The following SMARCC1 variants were observed in gnomAD, a reference collection of about 807,000 sequenced individuals.
The protein encoded by SMARCC1 is SWI/SNF complex subunit SMARCC1.
In SMARCC1, 43 loss-of-function variants were observed where a neutral mutation model predicts 147.4. The observed-to-expected ratio is 0.29, with a 90% confidence interval of 0.23 to 0.38. The LOEUF (loss-of-function observed/expected upper bound fraction) is 0.38. SMARCC1 is among the 10% of genes least tolerant of loss of function. The probability of loss-of-function intolerance (pLI) is 1.00; values close to 1 mark genes in which losing one functional copy is unlikely to be tolerated. For missense variants in SMARCC1, 1,119 were observed against 1,381.1 expected (o/e 0.81, Z 3.01); for synonymous variants, 495 against 484.4 (o/e 1.02, Z -0.29).
intron 27 of SMARCC1, 73 bp downstream of exon 27, chr3:47,590,588 A>G: frequency 7.6e-7 from 1 of 1,322,494 alleles, no homozygotes; most frequent in South Asian, 1.8e-5. Flanking sequence ...GGAGAGAACA[A>G]AGCCTCCTTC....
chr3:47,680,102 T>C (rs1359132041), intron 15 of SMARCC1: 1 of 224,906 alleles, frequency 4.4e-6, no homozygotes, highest in Non-Finnish European at 8.6e-6. Context: ...GTGCCTGTAG[T>C]CCCAGCTACT....
At chr3:47,719,852 C>CA (rs1559653857) in intron 7 of SMARCC1, among the ~76,000 whole-genome samples, 1 of 152,012 alleles carries the variant, frequency 6.6e-6, no homozygotes, top group Non-Finnish European at 1.5e-5. Flanking sequence ...TCTCATGCCT[C>CA]AGACACCTGA....
intron 21 of SMARCC1, among the ~76,000 whole-genome samples, chr3:47,645,173 A>G (rs1275300173): frequency 2.6e-5 from 4 of 151,986 alleles, no homozygotes; most frequent in Non-Finnish European, 4.4e-5. Context: ...GCTACAAAGG[A>G]GGCTGTGAAA....
chr3:47,703,212 G>C (rs2033948364), intron 10 of SMARCC1, among the ~76,000 whole-genome samples: 1 of 152,146 alleles, frequency 6.6e-6, no homozygotes, highest in African/African-American at 2.4e-5. Flanking sequence ...AGGATTACAG[G>C]CATGGGCCAT....
intron 19 of SMARCC1, among the ~76,000 whole-genome samples, chr3:47,665,467 A>T (rs2033409001): frequency 6.6e-6 from 1 of 152,162 alleles, no homozygotes; most frequent in African/African-American, 2.4e-5. Context: ...TTCCAATGAA[A>T]TTTTTAATTA....
chr3:47,691,890 C>G (rs1295703618), intron 12 of SMARCC1, among the ~76,000 whole-genome samples: 2 of 152,106 alleles, frequency 1.3e-5, no homozygotes, highest in African/African-American at 2.4e-5. Flanking sequence ...GTCCCAGCTA[C>G]TCAGGGGGCT....
intron 1 of SMARCC1, among the ~76,000 whole-genome samples, chr3:47,780,168 GT>G (rs10662354): frequency 4.2e-3 from 262 of 61,908 alleles, no homozygotes; most frequent in African/African-American, 0.014. Flanking sequence ...GTTTTTTTTT[GT>G]TTTTTTTTTT....
chr3:47,777,822 C>G (rs2034993760), intron 1 of SMARCC1, among the ~76,000 whole-genome samples: 1 of 152,058 alleles, frequency 6.6e-6, no homozygotes, highest in South Asian at 2.1e-4. Flanking sequence ...GCCACAGCCC[C>G]CAGTCTCAGT....
intron 19 of SMARCC1, among the ~76,000 whole-genome samples, chr3:47,665,832 T>C (rs923907989): frequency 1.3e-5 from 2 of 151,728 alleles, no homozygotes; most frequent in Admixed American, 1.3e-4. Flanking sequence ...TTACTTAACC[T>C]GGATACACTC....
rs369309451 is a variant in SMARCC1 at position 47,719,394 on chromosome 3, GT to G, written c.716+1271del. Among the ~76,000 whole-genome samples, 7 of 151,568 alleles carry G rather than the reference GT, an allele frequency of 4.6e-5. 1 individual carries two copies. Among genetic ancestry groups the G allele is most frequent in the East Asian group, 2.0e-4 (1 of 5,052 alleles). On this transcript the variant is annotated intron_variant, in intron 7 of 27. Transcript: ENST00000254480. ...CATCCTTAGTGGTTTCGCATAAGTA[GT>G]TTTTGAAAAAAGCAAACTGATCAGG...
At chr3:47,773,256 T>C (rs552135958) in intron 1 of SMARCC1, among the ~76,000 whole-genome samples, 1 of 151,114 alleles carries the variant, frequency 6.6e-6, no homozygotes, top group East Asian at 2.0e-4. Context: ...GTCTCCAGAG[T>C]AGCTGGGATT....
At position 47,670,723 on chromosome 3, in the gene SMARCC1, G is replaced by A. The variant is rs2033484065; in HGVS notation, c.1840-6C>T. 7.0e-6 allele frequency: 11 copies of A among 1,561,424 alleles called. No individual in the cohort carries two copies. Among genetic ancestry groups the A allele is most frequent in the Non-Finnish European group, 9.7e-6 (11 of 1,131,254 alleles). ...CCAGCACTAGCACCTTTACTCTAAG[G>A]AAACAAAATCAGAAATTATTTGCTC... On this transcript the variant is annotated splice_polypyrimidine_tract_variant and splice_region_variant and intron_variant, in intron 18 of 27. Transcript: ENST00000254480.
intron 11 of SMARCC1, among the ~76,000 whole-genome samples, chr3:47,696,649 G>A (rs371027581): frequency 6.7e-4 from 101 of 151,782 alleles, no homozygotes; most frequent in African/African-American, 2.3e-3. Flanking sequence ...CTCCTGAGTA[G>A]CTGGGATTAC....
At chr3:47,638,702 GT>G in intron 22 of SMARCC1, 22 bp downstream of exon 22, 2 of 1,600,096 alleles carry the variant, frequency 1.2e-6, no homozygotes, top group Non-Finnish European at 1.7e-6. Flanking sequence ...GCTATCTGTG[GT>G]TTTACTGCTG....
intron 24 of SMARCC1, among the ~76,000 whole-genome samples, chr3:47,633,051 A>T (rs995936404): frequency 2.0e-5 from 3 of 152,078 alleles, no homozygotes; most frequent in African/African-American, 7.2e-5. Context: ...AGTAACTGGA[A>T]TAAGAGGAAG....
chr3:47,741,110 G>A lies in SMARCC1; in HGVS notation c.402-3000C>T, dbSNP rs943596535. Among the ~76,000 whole-genome samples the A allele has an allele frequency of 1.1e-4, 16 of 152,100 alleles. No individual in the cohort carries two copies. In the East Asian group the frequency reaches 2.9e-3, roughly 28 times the overall value. On this transcript the variant is annotated intron_variant, in intron 3 of 27. Transcript: ENST00000254480. ...GTTTACAAGAAATTTAGAAGACCAT[G>A]TTAAATGATAAACTGGAGGCATATA...
At chr3:47,740,211 T>TTTC (rs2034493767) in intron 3 of SMARCC1, among the ~76,000 whole-genome samples, 1 of 78,030 alleles carries the variant, frequency 1.3e-5, no homozygotes, top group Non-Finnish European at 2.4e-5. Flanking sequence ...TTTTTTTTTT[T>TTTC]AAAAGACAGA....
chr3:47,608,875 G>C (rs118169401), intron 26 of SMARCC1, among the ~76,000 whole-genome samples: 4,559 of 130,676 alleles, frequency 0.035, 245 homozygotes, highest in East Asian at 0.14. Context: ...AAAAAAAAAA[G>C]TGTGAATTTG....
At chr3:47,725,930 T>G (rs970335049) in intron 6 of SMARCC1, among the ~76,000 whole-genome samples, 1 of 151,496 alleles carries the variant, frequency 6.6e-6, no homozygotes, top group Non-Finnish European at 1.5e-5. Context: ...GGTGTCGTGG[T>G]GGATGCCTGT....
Sources: allele counts gnomAD v4.1 joint callset (sites outside exome capture counted in the v4.1 genomes callset), GRCh38; gene constraint gnomAD v4.1.1; transcripts MANE v1.5; gene names NCBI Gene and HGNC (gene_info 2026-07-23, HGNC 2026-07-21).